The following CHD9 variants were observed in gnomAD, a reference collection of about 807,000 sequenced individuals.
CHD9 encodes chromodomain helicase DNA binding protein 9, also known as ATP-dependent chromatin remodeler CHD9.
In CHD9, 77 loss-of-function variants were observed where a neutral mutation model predicts 316.1. The ratio of observed to expected loss-of-function variants is 0.24; its 90% confidence interval spans 0.20 to 0.29. The LOEUF (loss-of-function observed/expected upper bound fraction) is 0.29, where lower values mean the gene tolerates loss of function less well. Among genes scored for constraint, CHD9 ranks in the 10% least tolerant of loss-of-function variants. The pLI, the probability that CHD9 is intolerant of heterozygous loss-of-function variation, is 1.00. For synonymous variants in CHD9, 1,129 were observed against 1,158.3 expected (o/e 0.97, Z 0.51); for missense variants, 2,763 against 3,438.1 (o/e 0.80, Z 4.91).
intron 7 of CHD9, among the ~76,000 whole-genome samples, chr16:53,228,028 G>A (rs1425504850): frequency 4.0e-5 from 6 of 151,868 alleles, no homozygotes; most frequent in African/African-American, 1.5e-4. Flanking sequence ...GGAGGTTGCT[G>A]TGAGCCGAGA....
In CHD9 at chr16:53,238,513, T is replaced by C; in HGVS notation, c.2804T>C (p.Val935Ala). Residue 935 changes from valine (V) to alanine (A), a missense_variant, in exon 12 of 39, where the codon GTT becomes GCT. Physicochemically the swap from Val to Ala is moderately conservative, Grantham distance 64 (BLOSUM62 0). Transcript: ENST00000447540. Reference protein sequence around the residue: ...REFRTWTDINVVVYHGSLISR... With the variant: ...REFRTWTDINAVVYHGSLISR... The stretch of plus-strand genomic sequence containing the variant: ...TTTCGTACGTGGACTGATATTAACG[T>C]TGTGGTTTATCATGGGAGCCTGATT... 2 of 1,613,194 alleles carry C rather than the reference T, an allele frequency of 1.2e-6. No homozygotes were observed. Among genetic ancestry groups the C allele is most frequent in the Non-Finnish European group, 1.7e-6 (2 of 1,179,328 alleles).
At chr16:53,212,926 TA>T (rs1438757246) in intron 3 of CHD9, among the ~76,000 whole-genome samples, 1 of 152,194 alleles carries the variant, frequency 6.6e-6, no homozygotes, top group Non-Finnish European at 1.5e-5. Context: ...TAGTGTTCAG[TA>T]AATGTTAGTC....
intron 1 of CHD9, among the ~76,000 whole-genome samples, chr16:53,103,336 C>T (rs952070224): frequency 6.6e-5 from 10 of 151,940 alleles, no homozygotes; most frequent in African/African-American, 2.4e-4. Context: ...CCCAGCTTAG[C>T]TTTTATTTTT....
chr16:53,228,611 A>T lies in CHD9; in HGVS notation c.2169-372A>T, dbSNP rs1313763228. On this transcript the variant is annotated intron_variant, in intron 7 of 38. Transcript: ENST00000447540. ...GCCGGACTGCGGACTGCAGTGGCGC[A>T]ATCTCGGCTCACTGCAAGCTCGAAA... 2.8e-5 allele frequency among the ~76,000 whole-genome samples: 4 copies of T among 144,816 alleles called. No homozygotes were observed. In the East Asian group the frequency reaches 6.1e-4, roughly 22 times the overall value.
chr16:53,143,682 C>A (rs1449369142), intron 1 of CHD9, among the ~76,000 whole-genome samples: 4 of 152,088 alleles, frequency 2.6e-5, no homozygotes, highest in Non-Finnish European at 4.4e-5. Context: ...CTACCACGCC[C>A]GGCCTCATAA....
At chr16:53,144,700 A>T (rs1348445941) in intron 1 of CHD9, among the ~76,000 whole-genome samples, 2 of 151,714 alleles carry the variant, frequency 1.3e-5, no homozygotes, top group Non-Finnish European at 2.9e-5. Context: ...TAATTTTTGT[A>T]TTTTTAGTAG....
Position 53,228,863 on chromosome 16 carries a change from T to A in CHD9, c.2169-120T>A, listed in dbSNP as rs1329135156. On this transcript the variant is annotated intron_variant, in intron 7 of 38. Transcript: ENST00000447540. ...TGATCGTAATTCTATTAAAGTTAAA[T>A]GATGAACTACCTATTTGAAAAGTTG... The A allele has an allele frequency of 5.8e-6, 3 of 517,328 alleles. No homozygotes were observed. The South Asian group carries it at 1.2e-4, about 21-fold the overall frequency. The allele number at this position is 517,328 out of a possible 1,614,324, so 32.0% of individuals were successfully genotyped here. A position where few individuals can be genotyped will look rare whatever the true frequency, so the allele number is the denominator to read the frequency against.
intron 2 of CHD9, among the ~76,000 whole-genome samples, chr16:53,185,550 C>T (rs1271631079): frequency 1.3e-5 from 2 of 152,178 alleles, no homozygotes; most frequent in African/African-American, 4.8e-5. Flanking sequence ...AAATTTGAGC[C>T]TGCTGCAGAC....
At chr16:53,290,347 G>A (rs1326127287) in intron 27 of CHD9, among the ~76,000 whole-genome samples, 1 of 152,166 alleles carries the variant, frequency 6.6e-6, no homozygotes, top group Non-Finnish European at 1.5e-5. Context: ...CAATGGAGGT[G>A]ATCACCAGAA....
intron 1 of CHD9, among the ~76,000 whole-genome samples, chr16:53,145,171 G>A (rs1434465207): frequency 1.3e-5 from 2 of 149,876 alleles, no homozygotes; most frequent in Non-Finnish European, 3.0e-5. Flanking sequence ...TTTTTTTTGA[G>A]ACAGACTTTA....
chr16:53,061,683 G>A (rs548530213), intron 1 of CHD9, among the ~76,000 whole-genome samples: 3 of 152,266 alleles, frequency 2.0e-5, no homozygotes, highest in South Asian at 2.1e-4. Flanking sequence ...GTATATCCTC[G>A]ACTCTCATAC....
intron 38 of CHD9, 47 bp from the exon 39 acceptor site, chr16:53,323,960 CTAATAACTCTTTA>C (rs774091224): frequency 5.2e-6 from 7 of 1,352,832 alleles, no homozygotes; most frequent in African/African-American, 2.9e-5. Context: ...GTATGATAAG[CTAATAACTCTTTA>C]TTTTATTTTC....
At chr16:53,188,738 G>A (rs1186023054) in intron 2 of CHD9, among the ~76,000 whole-genome samples, 3 of 149,322 alleles carry the variant, frequency 2.0e-5, no homozygotes, top group African/African-American at 7.4e-5. Context: ...GCAATTACAG[G>A]TGCTTGCCAC....
chr16:53,251,201 C>T (rs531113394), intron 17 of CHD9, among the ~76,000 whole-genome samples: 1 of 152,264 alleles, frequency 6.6e-6, no homozygotes, highest in South Asian at 2.1e-4. Context: ...AAAAGCCATT[C>T]TTAGTTGGCA....
chr16:53,113,766 T>C (rs2038055110), intron 1 of CHD9, among the ~76,000 whole-genome samples: 1 of 152,100 alleles, frequency 6.6e-6, no homozygotes, highest in African/African-American at 2.4e-5. Flanking sequence ...AGCGGCACGA[T>C]TGTAGCTCAC....
rs764922400 is a variant in CHD9 at position 53,324,507 on chromosome 16, C to G, written c.8306C>G (p.Ser2769Cys). Reference protein sequence around the residue: ...SQSSENGGENSVSSSPSTSST... With the variant: ...SQSSENGGENCVSSSPSTSST... Reference sequence around the variant, plus strand: ...AGTTCAGAGAATGGTGGAGAAAACTCTGTGTCAAGTTCTCCTTCCACATCC... The same window carrying G: ...AGTTCAGAGAATGGTGGAGAAAACTGTGTGTCAAGTTCTCCTTCCACATCC... Residue 2769 changes from serine (S) to cysteine (C), a missense_variant, in exon 39 of 39, where the codon TCT becomes TGT. Physicochemically the swap from Ser to Cys is moderately radical, Grantham distance 112. Coordinates refer to ENST00000447540, the MANE Select transcript of CHD9 (RefSeq NM_001308319.2). 4.3e-6 allele frequency: 7 copies of G among 1,613,934 alleles called. No homozygotes were observed. Among genetic ancestry groups the G allele is most frequent in the Non-Finnish European group, 5.9e-6 (7 of 1,179,860 alleles).
chr16:53,065,638 T>TTAAAA (rs760831079), intron 1 of CHD9, among the ~76,000 whole-genome samples: 3 of 103,406 alleles, frequency 2.9e-5, no homozygotes, highest in East Asian at 2.8e-4. Context: ...TGTCTTAAAT[T>TTAAAA]AAAAAAAAAA....
At chr16:53,276,395 T>A (rs1376800104) in intron 24 of CHD9, among the ~76,000 whole-genome samples, 1 of 152,194 alleles carries the variant, frequency 6.6e-6, no homozygotes, top group African/African-American at 2.4e-5. Flanking sequence ...TTGTGGCTAG[T>A]CAATTCATAT....
At chr16:53,292,587 A>G (rs2054434096) in intron 28 of CHD9, among the ~76,000 whole-genome samples, 2 of 152,186 alleles carry the variant, frequency 1.3e-5, no homozygotes, top group Admixed American at 1.3e-4. Flanking sequence ...ATATATACCT[A>G]GACATGCAAG....
Sources: allele counts gnomAD v4.1 joint callset (sites outside exome capture counted in the v4.1 genomes callset), GRCh38; gene constraint gnomAD v4.1.1; transcripts MANE v1.5; gene names NCBI Gene and HGNC (gene_info 2026-07-23, HGNC 2026-07-21).